FOXK1: variants seen among roughly 807,000 people sequenced by gnomAD.
The protein encoded by FOXK1 is forkhead box protein K1.
Under a neutral mutation model 51.9 loss-of-function variants are expected in FOXK1, and 19 were observed. The observed-to-expected ratio is 0.37, with a 90% CI of 0.26 to 0.54. FOXK1 has a LOEUF of 0.54. FOXK1 is among the 20% of genes least tolerant of loss of function. FOXK1 has a pLI of 0.87. For missense variants in FOXK1, 870 were observed against 1,032.7 expected, an observed-to-expected ratio of 0.84 and a Z score of 2.16; for synonymous variants, 537 against 482.6, an observed-to-expected ratio of 1.11 and a Z score of -1.48.
chr7:4,727,143 G>A (rs1780390735), intron 1 of FOXK1, among the ~76,000 whole-genome samples: 1 of 151,430 alleles, frequency 6.6e-6, no homozygotes, highest in African/African-American at 2.4e-5. Context: ...GTAGAGACGG[G>A]GTCTCACTCT....
chr7:4,704,185 G>A (rs534470039), intron 1 of FOXK1, among the ~76,000 whole-genome samples: 13 of 152,122 alleles, frequency 8.5e-5, no homozygotes, highest in African/African-American at 2.6e-4. Context: ...GCGTGGTGGC[G>A]CACACCTGTA....
rs1453880705 is a variant in FOXK1 at position 4,753,048 on chromosome 7, T to C, written c.747-1411T>C. ...GGGTGTTCATTTAAGTTTCGACACG[T>C]GTGGAACTTACCTATCTCTGCCATA... On this transcript the variant is annotated intron_variant, in intron 2 of 8. Transcript: ENST00000328914. This position sits in a 1 kb window ranked among gnomAD's most constrained non-coding sequence, Gnocchi z 4.9. 6.6e-6 allele frequency among the ~76,000 whole-genome samples: 1 copy of C among 152,246 alleles called. No homozygotes were observed. The highest frequency in any genetic ancestry group is 1.5e-5 in the Non-Finnish European group (1 of 68,046).
Position 4,745,807 on chromosome 7 carries a change from T to A in FOXK1, c.746+4784T>A, listed in dbSNP as rs1780695370. On this transcript the variant is annotated intron_variant, in intron 2 of 8. Coordinates refer to ENST00000328914, the MANE Select transcript of FOXK1 (RefSeq NM_001037165.2). This position sits in a 1 kb window ranked among gnomAD's most constrained non-coding sequence, Gnocchi z 4.3. The stretch of plus-strand genomic sequence containing the variant: ...TGGGAGGCTGAGGCAGGAGAATTGC[T>A]TGAACCTAGGAGGCAGAGGTTGCAG... 6.6e-6 allele frequency among the ~76,000 whole-genome samples: 1 copy of A among 152,018 alleles called. No homozygotes were observed. Among genetic ancestry groups the A allele is most frequent in the Non-Finnish European group, 1.5e-5 (1 of 68,006 alleles).
At chr7:4,688,179 G>A (rs1326994561) in intron 1 of FOXK1, among the ~76,000 whole-genome samples, 6 of 128,938 alleles carry the variant, frequency 4.7e-5, no homozygotes, top group South Asian at 2.5e-4. Context: ...TTTCCCCCTC[G>A]CCCCAGTTCT....
Position 4,689,348 on chromosome 7 carries a change from G to C in FOXK1, c.560+6480G>C, listed in dbSNP as rs552709614. ...GTGGCTGGGTTGCCATGCTCCATCTGCTGAGAGGCGTATTGTGAGTGGCAG... is the reference window on the plus strand; with the variant it reads ...GTGGCTGGGTTGCCATGCTCCATCTCCTGAGAGGCGTATTGTGAGTGGCAG... On this transcript the variant is annotated intron_variant, in intron 1 of 8. Transcript: ENST00000328914. Among the ~76,000 whole-genome samples the C allele has an allele frequency of 4.6e-5, 7 of 152,302 alleles. No individual in the cohort carries two copies. In the South Asian group the frequency reaches 1.4e-3, roughly 32 times the overall value.
At position 4,709,884 on chromosome 7, in the gene FOXK1, C is replaced by G. The variant is rs1219544630; in HGVS notation, c.560+27016C>G. Among the ~76,000 whole-genome samples, 2 of 152,172 alleles carry G rather than the reference C, an allele frequency of 1.3e-5. No individual in the cohort carries two copies. The highest frequency in any genetic ancestry group is 4.8e-5 in the African/African-American group (2 of 41,438). On this transcript the variant is annotated intron_variant, in intron 1 of 8. Transcript: ENST00000328914. This position sits in a 1 kb window ranked among gnomAD's most constrained non-coding sequence, Gnocchi z 5.6. ...AGGGAGAGAGGATCGAATGAGTTCACTTAGAACAACGCGTGACACGTTTGA... is the reference window on the plus strand; with the variant it reads ...AGGGAGAGAGGATCGAATGAGTTCAGTTAGAACAACGCGTGACACGTTTGA...
intron 1 of FOXK1, among the ~76,000 whole-genome samples, chr7:4,710,866 T>A (rs960425391): frequency 6.6e-6 from 1 of 152,202 alleles, no homozygotes; most frequent in East Asian, 1.9e-4. Context: ...TCGTGGATTT[T>A]TCCCATTTGT....
intron 1 of FOXK1, among the ~76,000 whole-genome samples, chr7:4,686,729 T>C (rs940618682): frequency 6.6e-6 from 1 of 152,030 alleles, no homozygotes; most frequent in African/African-American, 2.4e-5. Flanking sequence ...GTTTGTTGAG[T>C]GAACAAATTA....
rs997692957 is a variant in FOXK1 at position 4,683,427 on chromosome 7, C to T, written c.560+559C>T. The stretch of plus-strand genomic sequence containing the variant: ...TAACCGCGACCCCCACTTCCTAGGC[C>T]CCCCCGGAGTCACCCCTGACCGCTA... On this transcript the variant is annotated intron_variant, in intron 1 of 8. Coordinates refer to ENST00000328914, the MANE Select transcript of FOXK1 (RefSeq NM_001037165.2). This position sits in a 1 kb window ranked among gnomAD's most constrained non-coding sequence, Gnocchi z 4.5. Among the ~76,000 whole-genome samples the T allele has an allele frequency of 1.3e-5, 2 of 151,464 alleles. No individual in the cohort carries two copies. Among genetic ancestry groups the T allele is most frequent in the African/African-American group, 4.9e-5 (2 of 41,170 alleles).
chr7:4,706,707 A>G (rs1396178069), intron 1 of FOXK1, among the ~76,000 whole-genome samples: 3 of 152,272 alleles, frequency 2.0e-5, no homozygotes, highest in Admixed American at 1.3e-4. Flanking sequence ...GGAGGTCTTC[A>G]TCATCCTCGT....
chr7:4,754,297 G>A (rs1313675577), intron 2 of FOXK1, among the ~76,000 whole-genome samples, 162 bp from the exon 3 acceptor site: 3 of 152,218 alleles, frequency 2.0e-5, no homozygotes, highest in Non-Finnish European at 2.9e-5. Flanking sequence ...TCTTGTCCCC[G>A]CCGCTGCGTG....
In FOXK1 at chr7:4,722,129, C is replaced by T. The variant is rs569203383; in HGVS notation, c.561-18709C>T. 7.9e-5 allele frequency among the ~76,000 whole-genome samples: 12 copies of T among 152,248 alleles called. No homozygotes were observed. In the South Asian group the frequency reaches 2.3e-3, roughly 29 times the overall value. ...GGGGACTTTGGTGGGGCCTTGGGCT[C>T]TTGGTCACATCCTGCCCTGATTCAG... On this transcript the variant is annotated intron_variant, in intron 1 of 8. Coordinates refer to ENST00000328914, the MANE Select transcript of FOXK1 (RefSeq NM_001037165.2). The surrounding 1 kb of genome is among the most constrained non-coding windows in gnomAD (Gnocchi z 5.1).
At position 4,762,054 on chromosome 7, in the gene FOXK1, C is replaced by G; in HGVS notation, c.1922-130C>G. On this transcript the variant is annotated intron_variant, in intron 8 of 8. Coordinates refer to ENST00000328914, the MANE Select transcript of FOXK1 (RefSeq NM_001037165.2). The surrounding 1 kb of genome is among the most constrained non-coding windows in gnomAD (Gnocchi z 5.7). Reference sequence around the variant, plus strand: ...CCGCAGGGAGCAGAGCAAGGGTAGCCGTCCTGCCTGGCAGGGGTGCACTGA... The same window carrying G: ...CCGCAGGGAGCAGAGCAAGGGTAGCGGTCCTGCCTGGCAGGGGTGCACTGA... The G allele has an allele frequency of 2.8e-6, 3 of 1,080,364 alleles. No individual in the cohort carries two copies. Among genetic ancestry groups the G allele is most frequent in the Non-Finnish European group, 3.9e-6 (3 of 762,128 alleles). The allele number at this position is 1,080,364 out of a possible 1,614,324, so 66.9% of individuals were successfully genotyped here.
intron 1 of FOXK1, among the ~76,000 whole-genome samples, chr7:4,740,343 T>G (rs1780616600): frequency 6.6e-6 from 1 of 151,198 alleles, no homozygotes; most frequent in African/African-American, 2.4e-5. Flanking sequence ...GGCAGGAGAA[T>G]GGTGTGAACC....
At chr7:4,686,989 G>A (rs1257929329) in intron 1 of FOXK1, among the ~76,000 whole-genome samples, 1 of 150,224 alleles carries the variant, frequency 6.7e-6, no homozygotes, top group Non-Finnish European at 1.5e-5. Context: ...CTGGAGTGCA[G>A]TGGCGCGAAC....
At position 4,682,726 on chromosome 7, in the gene FOXK1, C is replaced by A; in HGVS notation, c.418C>A (p.Leu140Met). The A allele has an allele frequency of 6.2e-7, 1 of 1,604,844 alleles. No homozygotes were observed. Among genetic ancestry groups the A allele is most frequent in the Non-Finnish European group, 8.5e-7 (1 of 1,178,668 alleles). ...GGGCTCGGTGGACTTGAGCATGGGC[C>A]TGTCCAGCTTCATCTCGCGGCGCCA... ...SQGSVDLSMGLSSFISRRHLQ... is the reference protein window; with the variant it reads ...SQGSVDLSMGMSSFISRRHLQ... Residue 140 changes from leucine to methionine, a missense_variant, in exon 1 of 9, where the codon CTG becomes ATG. Physicochemically the swap from Leu to Met is conservative, Grantham distance 15. Transcript: ENST00000328914. The surrounding 1 kb of genome is among the most constrained non-coding windows in gnomAD (Gnocchi z 7.6).
chr7:4,692,624 A>T (rs1430689727), intron 1 of FOXK1, among the ~76,000 whole-genome samples: 1 of 151,790 alleles, frequency 6.6e-6, no homozygotes, highest in African/African-American at 2.4e-5. Flanking sequence ...CGAACTCCTA[A>T]CCTCAGGTCA....
At chr7:4,689,784 T>C (rs1779869274) in intron 1 of FOXK1, among the ~76,000 whole-genome samples, 1 of 152,188 alleles carries the variant, frequency 6.6e-6, no homozygotes, top group Non-Finnish European at 1.5e-5. Flanking sequence ...AATGCCCCAC[T>C]ACGTGGCATC....
chr7:4,725,021 C>T (rs901942542), intron 1 of FOXK1, among the ~76,000 whole-genome samples: 1 of 152,238 alleles, frequency 6.6e-6, no homozygotes, highest in South Asian at 2.1e-4. Context: ...CCTAACCCTG[C>T]CTGCTGCCCT....
Sources: gnomAD v4.1 joint callset for allele counts (sites outside exome capture counted in the v4.1 genomes callset) on GRCh38, gnomAD v4.1.1 for gene constraint, Gnocchi (gnomAD v3.1) non-coding constraint, MANE v1.5 for transcripts, NCBI Gene and HGNC (gene_info 2026-07-23, HGNC 2026-07-21) for gene names.